TNFSF4: variants seen among roughly 807,000 people sequenced by gnomAD.
The protein encoded by TNFSF4 is TNF superfamily member 4.
TNFSF4 carries 4 observed loss-of-function variants against 7.3 expected under a neutral mutation model. That is an observed-to-expected ratio of 0.55 (90% CI 0.27 to 1.25). The LOEUF is 1.25. Among genes scored for constraint, TNFSF4 ranks in the 50% most tolerant of loss-of-function variants. TNFSF4 has a pLI of 0.12. For missense variants in TNFSF4, 181 were observed against 208.8 expected (o/e 0.87, Z 0.82); for synonymous variants, 76 against 83.7 (o/e 0.91, Z 0.50).
the TNFSF4 span, among the ~76,000 whole-genome samples, chr1:173,375,231 G>T: frequency 2.6e-5 from 4 of 152,290 alleles, no homozygotes; most frequent in African/African-American, 9.6e-5. Flanking sequence ...AACCCCAAAT[G>T]AGCTCAACTC....
chr1:173,408,392 T>C, the TNFSF4 span, among the ~76,000 whole-genome samples: 6 of 152,094 alleles, frequency 3.9e-5, no homozygotes, highest in African/African-American at 1.4e-4. Flanking sequence ...CTTCCATGGG[T>C]CCATACTAAT....
the TNFSF4 span, among the ~76,000 whole-genome samples, chr1:173,300,196 CATACATAT>C: frequency 6.7e-6 from 1 of 149,616 alleles, no homozygotes; most frequent in African/African-American, 2.5e-5. Context: ...TACATACATA[CATACATAT>C]AAGATAAAAG....
chr1:173,327,399 C>T, the TNFSF4 span, among the ~76,000 whole-genome samples: 2 of 151,696 alleles, frequency 1.3e-5, no homozygotes, highest in Non-Finnish European at 2.9e-5. Flanking sequence ...CCATAAAAAC[C>T]CTAGAAGAAA....
chr1:173,375,206 T>G, the TNFSF4 span, among the ~76,000 whole-genome samples: 1 of 152,178 alleles, frequency 6.6e-6, no homozygotes, highest in African/African-American at 2.4e-5. Flanking sequence ...AAGCTACAGA[T>G]GGTCTTATAA....
chr1:173,422,326 GAA>G, the TNFSF4 span, among the ~76,000 whole-genome samples: 7 of 89,028 alleles, frequency 7.9e-5, no homozygotes, highest in Non-Finnish European at 6.1e-5. Context: ...TGCCCAGAGT[GAA>G]AAAAAAAAAA....
chr1:173,308,658 G>A, the TNFSF4 span, among the ~76,000 whole-genome samples: 241 of 151,986 alleles, frequency 1.6e-3, 1 homozygote, highest in African/African-American at 5.5e-3. Context: ...CAAGATGTCT[G>A]TTGGTGAGTT....
the TNFSF4 span, among the ~76,000 whole-genome samples, chr1:173,339,777 A>G: frequency 6.6e-6 from 1 of 152,176 alleles, no homozygotes; most frequent in East Asian, 1.9e-4. Context: ...GGATAGTTGT[A>G]TCATGTTAGG....
the TNFSF4 span, among the ~76,000 whole-genome samples, chr1:173,403,877 G>C: frequency 8.0e-5 from 12 of 150,620 alleles, no homozygotes; most frequent in Non-Finnish European, 1.5e-4. Context: ...ACTCCAGCCT[G>C]GGCGACAGAG....
chr1:173,426,135 C>T, the TNFSF4 span, among the ~76,000 whole-genome samples: 2 of 152,270 alleles, frequency 1.3e-5, no homozygotes, highest in South Asian at 4.2e-4. Flanking sequence ...CTGGGTGTGG[C>T]GTCAACTCTA....
the TNFSF4 span, among the ~76,000 whole-genome samples, chr1:173,234,140 TATG>T: frequency 2.6e-5 from 4 of 152,140 alleles, no homozygotes; most frequent in South Asian, 8.3e-4. Flanking sequence ...TGGCGAAGGA[TATG>T]AACAGAAACT....
At chr1:173,371,332 C>A in the TNFSF4 span, among the ~76,000 whole-genome samples, 1 of 152,156 alleles carries the variant, frequency 6.6e-6, no homozygotes, top group Non-Finnish European at 1.5e-5. Context: ...AAGTCCCACA[C>A]CCTTATTAGG....
chr1:173,202,548 T>C (rs930861404), intron 1 of TNFSF4, among the ~76,000 whole-genome samples: 6 of 152,216 alleles, frequency 3.9e-5, no homozygotes, highest in Non-Finnish European at 8.8e-5. Context: ...ACTTTTACTG[T>C]GGTGCCCCCT....
At chr1:173,274,258 A>G in the TNFSF4 span, among the ~76,000 whole-genome samples, 1 of 152,140 alleles carries the variant, frequency 6.6e-6, no homozygotes, top group Non-Finnish European at 1.5e-5. Flanking sequence ...CAAATCAATA[A>G]AGATCGAAGT....
At chr1:173,421,687 T>G in the TNFSF4 span, among the ~76,000 whole-genome samples, 24 of 151,658 alleles carry the variant, frequency 1.6e-4, no homozygotes, top group African/African-American at 5.3e-4. Context: ...AAAAAAAAAA[T>G]GAAAATCCCC....
At chr1:173,247,819 A>G in the TNFSF4 span, among the ~76,000 whole-genome samples, 1 of 152,246 alleles carries the variant, frequency 6.6e-6, no homozygotes, top group South Asian at 2.1e-4. Flanking sequence ...GCTTCGTGAT[A>G]CATTTATGAA....
chr1:173,201,690 G>C (rs1164358841), intron 1 of TNFSF4, among the ~76,000 whole-genome samples: 1 of 152,084 alleles, frequency 6.6e-6, no homozygotes, highest in Admixed American at 6.6e-5. Flanking sequence ...ACTTCAATGA[G>C]TCCTCCAAAA....
At chr1:173,269,900 T>C in the TNFSF4 span, among the ~76,000 whole-genome samples, 47 of 152,148 alleles carry the variant, frequency 3.1e-4, no homozygotes, top group African/African-American at 1.0e-3. Flanking sequence ...TGAGAGCACA[T>C]TGGAAGGGCT....
At chr1:173,411,764 T>C in the TNFSF4 span, among the ~76,000 whole-genome samples, 4 of 151,348 alleles carry the variant, frequency 2.6e-5, no homozygotes, top group Admixed American at 2.0e-4. Context: ...ATCACACCAC[T>C]GCACTCCAGC....
At chr1:173,360,128 G>A in the TNFSF4 span, among the ~76,000 whole-genome samples, 3 of 152,236 alleles carry the variant, frequency 2.0e-5, no homozygotes, top group Non-Finnish European at 2.9e-5. Context: ...TGATAACACA[G>A]ACTCAGTTCA....
Sources: allele counts gnomAD v4.1 joint callset (sites outside exome capture counted in the v4.1 genomes callset), GRCh38; gene constraint gnomAD v4.1.1; transcripts MANE v1.5; gene names NCBI Gene and HGNC (gene_info 2026-07-23, HGNC 2026-07-21).